The following TRAF3IP1 variants were observed in gnomAD, a reference collection of about 807,000 sequenced individuals.
TRAF3IP1 encodes the protein intraflagellar transport 54, also known as TRAF3-interacting protein 1.
TRAF3IP1 carries 53 observed loss-of-function variants against 89.9 expected under a neutral mutation model. The ratio of observed to expected loss-of-function variants is 0.59; its 90% confidence interval spans 0.47 to 0.74. The LOEUF (loss-of-function observed/expected upper bound fraction) is 0.74. Among genes scored for constraint, TRAF3IP1 ranks in the 30% least tolerant of loss-of-function variants. The pLI, the probability that TRAF3IP1 is intolerant of heterozygous loss-of-function variation, is 0.00. For missense variants in TRAF3IP1, 806 were observed against 866.1 expected (o/e 0.93, Z 0.87); for synonymous variants, 311 against 322.1 (o/e 0.97, Z 0.37).
Position 238,325,354 on chromosome 2 carries a change from A to G in TRAF3IP1, c.172A>G (p.Met58Val). 1 of 1,614,140 alleles carries G rather than the reference A, an allele frequency of 6.2e-7. No homozygotes were observed. The highest frequency in any genetic ancestry group is 2.2e-5 in the East Asian group (1 of 44,876). ...GAAGGGCCTCTACACAGACGCCGAG[A>G]TGAAGTCTGATAATGTGAAGGTGGG... ...FMKGLYTDAE[M>V]KSDNVKDKDA... The change falls in exon 2 of 17, where the codon ATG becomes GTG. Residue 58 changes from methionine to valine, a missense_variant. Met to Val is a conservative substitution (Grantham distance 21, BLOSUM62 1). This residue lies in a region of TRAF3IP1 where 732 missense variants were observed against 780.5 expected (regional missense o/e 0.94). Coordinates refer to ENST00000373327, the MANE Select transcript of TRAF3IP1 (RefSeq NM_015650.4).
intron 1 of TRAF3IP1, 81 bp downstream of exon 1, chr2:238,320,866 G>T: frequency 2.6e-6 from 3 of 1,169,666 alleles, no homozygotes; most frequent in South Asian, 3.4e-5. Flanking sequence ...GCCGGGTGGC[G>T]CCGGGTGCGA....
intron 1 of TRAF3IP1, among the ~76,000 whole-genome samples, chr2:238,322,710 A>G: frequency 6.6e-6 from 1 of 151,344 alleles, no homozygotes; most frequent in Non-Finnish European, 1.5e-5. Context: ...AAAAAAAAAA[A>G]AAAAGAATTG....
chr2:238,322,877 T>A (rs13402781), intron 1 of TRAF3IP1, among the ~76,000 whole-genome samples: 17,739 of 151,944 alleles, frequency 0.12, 1,765 homozygotes, highest in African/African-American at 0.27. Flanking sequence ...CTTGATAAAG[T>A]TGTTAGAATG....
chr2:238,363,274 CGTT>C (rs1387687238), intron 15 of TRAF3IP1, among the ~76,000 whole-genome samples: 1 of 152,088 alleles, frequency 6.6e-6, no homozygotes, highest in Non-Finnish European at 1.5e-5. Context: ...TATTTTGAGT[CGTT>C]GTCGTTTTAA....
chr2:238,357,352 T>A (rs1699462712), intron 15 of TRAF3IP1, among the ~76,000 whole-genome samples: 1 of 152,226 alleles, frequency 6.6e-6, no homozygotes, highest in African/African-American at 2.4e-5. Flanking sequence ...TTTAGCCTAA[T>A]AACTCAACAA....
In TRAF3IP1 at chr2:238,328,699, A is replaced by AT. The variant is rs1697960433; in HGVS notation, c.369dup (p.Ala124CysfsTer28). On this transcript the variant is annotated frameshift_variant, in exon 4 of 17. Coordinates refer to ENST00000373327, the MANE Select transcript of TRAF3IP1 (RefSeq NM_015650.4). LOFTEE classifies it high-confidence loss of function. ...TTGGACGACAAGCTCTCTAGTGACG[A>AT]TGCGGTGCGGAGGGTTTTAGCTGGA... The AT allele has an allele frequency of 6.2e-7, 1 of 1,613,754 alleles. No homozygotes were observed. The highest frequency in any genetic ancestry group is 1.7e-5 in the Admixed American group (1 of 59,958).
chr2:238,359,660 A>G (rs1699576666), intron 15 of TRAF3IP1, among the ~76,000 whole-genome samples: 1 of 152,212 alleles, frequency 6.6e-6, no homozygotes, highest in African/African-American at 2.4e-5. Context: ...AGTTTGGACT[A>G]TTATAAATAA....
At chr2:238,371,792 A>G (rs888989542) in intron 15 of TRAF3IP1, among the ~76,000 whole-genome samples, 5 of 152,248 alleles carry the variant, frequency 3.3e-5, no homozygotes, top group African/African-American at 7.2e-5. Context: ...GATTTTGTAT[A>G]TATCACATTA....
chr2:238,397,906 T>G (rs56242217), intron 16 of TRAF3IP1, among the ~76,000 whole-genome samples: 2 of 3,598 alleles, frequency 5.6e-4, no homozygotes, highest in Non-Finnish European at 1.0e-3. Context: ...AGAGGTGGGG[T>G]GTAGTAATGG....
rs759858088 is a variant in TRAF3IP1 at position 238,360,156 on chromosome 2, T to C, written c.1689+4076T>C. On this transcript the variant is annotated intron_variant, in intron 15 of 16. Coordinates refer to ENST00000373327, the MANE Select transcript of TRAF3IP1 (RefSeq NM_015650.4). ...TTTGATCACCCTACTCAGAATGGCA[T>C]GCAATTGAAAACTTATGAATGAATT... Among the ~76,000 whole-genome samples, 8 of 152,234 alleles carry C rather than the reference T, an allele frequency of 5.3e-5. No individual in the cohort carries two copies. The South Asian group carries it at 8.3e-4, about 16-fold the overall frequency.
chr2:238,329,298 C>G lies in TRAF3IP1; in HGVS notation c.871C>G (p.Leu291Val). 6.9e-7 allele frequency: 1 copy of G among 1,457,120 alleles called. No homozygotes were observed. The highest frequency in any genetic ancestry group is 9.1e-7 in the Non-Finnish European group (1 of 1,102,670). The allele number at this position is 1,457,120 out of a possible 1,614,324, so 90.3% of individuals were successfully genotyped here. The change falls in exon 5 of 17, where the codon CTG becomes GTG. Residue 291 changes from leucine to valine, a missense_variant. By Grantham distance (32) the Leu-to-Val change is conservative. This residue lies in a region of TRAF3IP1 where 732 missense variants were observed against 780.5 expected (regional missense o/e 0.94). Coordinates refer to ENST00000373327, the MANE Select transcript of TRAF3IP1 (RefSeq NM_015650.4). ...GAAAAACGGGGAGCACTCCTGGGAC[C>G]TGGACAGGGAGAAGAACAGAGAGCA... Reference protein sequence around the residue: ...RVKNGEHSWDLDREKNREHDK... With the variant: ...RVKNGEHSWDVDREKNREHDK...
intron 15 of TRAF3IP1, among the ~76,000 whole-genome samples, chr2:238,374,961 G>A (rs1488983988): frequency 6.6e-6 from 1 of 152,012 alleles, no homozygotes; most frequent in Non-Finnish European, 1.5e-5. Flanking sequence ...TATTTCTGTG[G>A]GATTGCTGGT....
At chr2:238,383,179 G>C (rs1411651678) in intron 15 of TRAF3IP1, among the ~76,000 whole-genome samples, 2 of 152,078 alleles carry the variant, frequency 1.3e-5, no homozygotes. Flanking sequence ...GCTGTAGGCT[G>C]CCCTCCAGGC....
rs1324889144 is a variant in TRAF3IP1 at position 238,379,161 on chromosome 2, A to G, written c.1690-18298A>G. 6.6e-6 allele frequency among the ~76,000 whole-genome samples: 1 copy of G among 152,094 alleles called. No individual in the cohort carries two copies. The highest frequency in any genetic ancestry group is 1.5e-5 in the Non-Finnish European group (1 of 68,028). On this transcript the variant is annotated intron_variant, in intron 15 of 16. Coordinates refer to ENST00000373327, the MANE Select transcript of TRAF3IP1 (RefSeq NM_015650.4). This position sits in a 1 kb window ranked among gnomAD's most constrained non-coding sequence, Gnocchi z 4.0. ...TGGGGGCCTGTTTTCTTGCAGTCCAAGGTTACCTGGAGGCTGCTGGTCTCT... is the reference window on the plus strand; with the variant it reads ...TGGGGGCCTGTTTTCTTGCAGTCCAGGGTTACCTGGAGGCTGCTGGTCTCT...
chr2:238,371,095 A>G (rs1206820092), intron 15 of TRAF3IP1, among the ~76,000 whole-genome samples: 2 of 152,244 alleles, frequency 1.3e-5, no homozygotes, highest in Non-Finnish European at 2.9e-5. Context: ...AACGAAGTTT[A>G]CTAGCTTTCT....
At position 238,320,717 on chromosome 2, in the gene TRAF3IP1, A is replaced by G. The variant is rs755459056; in HGVS notation, c.55A>G (p.Arg19Gly). The G allele has an allele frequency of 9.0e-6, 13 of 1,447,804 alleles. No individual in the cohort carries two copies. Among genetic ancestry groups the G allele is most frequent in the African/African-American group, 5.9e-5 (4 of 67,504 alleles). The allele number at this position is 1,447,804 out of a possible 1,614,324, so 89.7% of individuals were successfully genotyped here. Residue 19 changes from arginine to glycine, a missense_variant, in exon 1 of 17, where the codon AGG becomes GGG. Coordinates refer to ENST00000373327, the MANE Select transcript of TRAF3IP1 (RefSeq NM_015650.4). ...GGAGGCGCTGGGGAAAGTGATTCGG[A>G]GGCCGCCGCTGACCGAGAAGCTGCT... ...TQEALGKVIR[R>G]PPLTEKLLSK... is the part of the protein sequence containing the mutation.
At chr2:238,390,653 G>C (rs542551648) in intron 15 of TRAF3IP1, among the ~76,000 whole-genome samples, 2 of 152,294 alleles carry the variant, frequency 1.3e-5, no homozygotes, top group East Asian at 3.9e-4. Flanking sequence ...ATAAATTTAC[G>C]ATAATGGTTA....
intron 7 of TRAF3IP1, among the ~76,000 whole-genome samples, chr2:238,335,736 A>C (rs1698353227): frequency 1.3e-5 from 2 of 151,656 alleles, no homozygotes; most frequent in South Asian, 4.2e-4. Flanking sequence ...TGTTGGTCAC[A>C]GTGGTTGCTC....
Position 238,397,442 on chromosome 2 carries a change from T to C in TRAF3IP1, c.1690-17T>C, listed in dbSNP as rs1423509209. On this transcript the variant is annotated splice_polypyrimidine_tract_variant and intron_variant, in intron 15 of 16. Coordinates refer to ENST00000373327, the MANE Select transcript of TRAF3IP1 (RefSeq NM_015650.4). ...CTGAGGAGGCGTGTTCCTCTTCCTA[T>C]GTCTCCCTGACTGTAGGAGCGATCT... 1.2e-6 allele frequency: 2 copies of C among 1,610,982 alleles called. No homozygotes were observed. Among genetic ancestry groups the C allele is most frequent in the Non-Finnish European group, 1.7e-6 (2 of 1,178,596 alleles).
Sources: gnomAD v4.1 joint callset for allele counts (sites outside exome capture counted in the v4.1 genomes callset) on GRCh38, gnomAD v4.1.1 for gene constraint, gnomAD v4.1.1 regional missense constraint, Gnocchi (gnomAD v3.1) non-coding constraint, MANE v1.5 for transcripts, NCBI Gene and HGNC (gene_info 2026-07-23, HGNC 2026-07-21) for gene names.